ATG3: variants seen among roughly 807,000 people sequenced by gnomAD.
The protein encoded by ATG3 is ubiquitin-like-conjugating enzyme ATG3.
Under a neutral mutation model 50.7 loss-of-function variants are expected in ATG3, and 25 were observed. The observed-to-expected ratio is 0.49, with a 90% CI of 0.36 to 0.69. The LOEUF (loss-of-function observed/expected upper bound fraction) is 0.69, where lower values mean the gene tolerates loss of function less well. Ranked by LOEUF, ATG3 falls within the 30% of genes least tolerant of loss-of-function variation. The probability of loss-of-function intolerance (pLI) is 0.00; values close to 1 mark genes in which losing one functional copy is unlikely to be tolerated. For synonymous variants in ATG3, 119 were observed against 125.5 expected (o/e 0.95, Z 0.34); for missense variants, 281 against 376.0 (o/e 0.75, Z 2.09).
chr3:112,547,754 CAATG>C (rs1443895430), intron 5 of ATG3, among the ~76,000 whole-genome samples: 2 of 152,184 alleles, frequency 1.3e-5, no homozygotes, highest in Non-Finnish European at 2.9e-5. Context: ...GAGAATTCAA[CAATG>C]AATCTTTACC....
At chr3:112,553,083 C>T (rs1165645820) in intron 3 of ATG3, among the ~76,000 whole-genome samples, 197 bp downstream of exon 3, 1 of 152,170 alleles carries the variant, frequency 6.6e-6, no homozygotes, top group African/African-American at 2.4e-5. Context: ...ATTGTGCTAA[C>T]ATAGCCAAAT....
intron 3 of ATG3, among the ~76,000 whole-genome samples, chr3:112,552,644 C>CA (rs200092127): frequency 6.7e-6 from 1 of 149,238 alleles, no homozygotes; most frequent in East Asian, 2.0e-4. Flanking sequence ...AAAACCTGTT[C>CA]AAAAATTTTT....
At chr3:112,556,290 G>C (rs532008926) in intron 2 of ATG3, among the ~76,000 whole-genome samples, 12 of 150,262 alleles carry the variant, frequency 8.0e-5, no homozygotes, top group African/African-American at 2.7e-4. Context: ...GGTGAGGGGC[G>C]CCTCTGCCTG....
At chr3:112,535,308 T>C (rs905648853) in intron 10 of ATG3, 1 of 152,162 alleles carries the variant, frequency 6.6e-6, no homozygotes, top group African/African-American at 2.4e-5. Flanking sequence ...TGGTCTAAAA[T>C]GTCCTTGAAG....
chr3:112,542,041 C>T (rs931128743), intron 6 of ATG3, among the ~76,000 whole-genome samples, 157 bp from the exon 7 acceptor site: 7 of 152,112 alleles, frequency 4.6e-5, no homozygotes, highest in African/African-American at 1.7e-4. Flanking sequence ...ATAATGAATT[C>T]ATATATCAGT....
At chr3:112,536,966 A>G (rs1444555170) in intron 9 of ATG3, among the ~76,000 whole-genome samples, 2 of 141,072 alleles carry the variant, frequency 1.4e-5, no homozygotes, top group African/African-American at 5.2e-5. Flanking sequence ...AAAAAAAGAA[A>G]TTACTATTTA....
chr3:112,546,485 T>C (rs900615572), intron 5 of ATG3, among the ~76,000 whole-genome samples: 1 of 152,218 alleles, frequency 6.6e-6, no homozygotes, highest in Non-Finnish European at 1.5e-5. Context: ...TGATGAATTA[T>C]TTCTGGAATT....
At chr3:112,560,610 T>C (rs1027664409) in intron 1 of ATG3, among the ~76,000 whole-genome samples, 1 of 152,070 alleles carries the variant, frequency 6.6e-6, no homozygotes, top group Non-Finnish European at 1.5e-5. Flanking sequence ...AAGCAAGAAC[T>C]TCCCATTAAT....
intron 5 of ATG3, among the ~76,000 whole-genome samples, chr3:112,545,169 G>A (rs1933339808): frequency 1.3e-5 from 2 of 152,176 alleles, no homozygotes. Flanking sequence ...ACTTGCTTGA[G>A]TGTTATACCC....
intron 4 of ATG3, among the ~76,000 whole-genome samples, chr3:112,549,185 T>C (rs1933457903): frequency 6.6e-6 from 1 of 152,192 alleles, no homozygotes; most frequent in Admixed American, 6.5e-5. Context: ...ACCACACTAG[T>C]AAGTTGTTCA....
chr3:112,540,642 G>A (rs1349160884), intron 7 of ATG3, among the ~76,000 whole-genome samples: 2 of 148,968 alleles, frequency 1.3e-5, no homozygotes, highest in Non-Finnish European at 1.5e-5. Context: ...AAAAAAAAAA[G>A]AAACCCACGG....
In ATG3 at chr3:112,541,818, C is replaced by G. The variant is rs1933235872; in HGVS notation, c.460G>C (p.Ala154Pro). Residue 154 changes from alanine (A) to proline (P), a missense_variant, in exon 7 of 12, where the codon GCT (alanine) becomes CCT (proline). Transcript: ENST00000283290. The part of the protein sequence containing the change: ...EEEEDEDEGE[A>P]ADMEEYEESG... ...ACAGGAATACCTTCCATATCTGCAG[C>G]TTCTCCTTCATCTTCATCTTCTTCC... 1 of 1,611,732 alleles carries G rather than the reference C, an allele frequency of 6.2e-7. No individual in the cohort carries two copies.
At chr3:112,538,238 A>G (rs1322698606) in intron 7 of ATG3, 58 bp from the exon 8 acceptor site, 19 of 1,365,850 alleles carry the variant, frequency 1.4e-5, no homozygotes, top group Non-Finnish European at 1.9e-5. Context: ...AATTCCCTAA[A>G]CCAATTTAAG....
intron 11 of ATG3, chr3:112,533,585 C>T (rs970852524): frequency 1.0e-6 from 1 of 985,240 alleles, no homozygotes; most frequent in Non-Finnish European, 1.2e-6. Flanking sequence ...TAGCCGAAAC[C>T]ACCACCAAGT....
At chr3:112,560,691 A>G (rs1412140580) in intron 1 of ATG3, among the ~76,000 whole-genome samples, 1 of 152,250 alleles carries the variant, frequency 6.6e-6, no homozygotes, top group Admixed American at 6.5e-5. Flanking sequence ...GAGTTATAAA[A>G]GAAAAGCTTG....
intron 1 of ATG3, among the ~76,000 whole-genome samples, chr3:112,559,595 T>C (rs889718660): frequency 1.3e-5 from 2 of 152,328 alleles, no homozygotes; most frequent in Middle Eastern, 3.4e-3. Context: ...AACAAAGACT[T>C]CACTGAATAA....
In ATG3 at chr3:112,532,755, C is replaced by T. The variant is rs764322639; in HGVS notation, c.889G>A (p.Val297Ile). Reference protein sequence around the residue: ...HMYLLIFLKFVQAVIPTIEYD... With the variant: ...HMYLLIFLKFIQAVIPTIEYD... ...TCTATTGTTGGAATGACAGCTTGTA[C>T]AAATTTCAAGAAAATAAGAAGATAC... The change falls in exon 12 of 12, where the codon GTA becomes ATA. Residue 297 changes from valine to isoleucine, a missense_variant. Transcript: ENST00000283290. 1 of 1,598,258 alleles carries T rather than the reference C, an allele frequency of 6.3e-7. No individual in the cohort carries two copies. The highest frequency in any genetic ancestry group is 1.1e-5 in the South Asian group (1 of 88,876).
rs191021507 is a variant in ATG3 at position 112,556,228 on chromosome 3, G to A, written c.114+2148C>T. On this transcript the variant is annotated intron_variant, in intron 2 of 11. Coordinates refer to ENST00000283290, the MANE Select transcript of ATG3 (RefSeq NM_022488.5). ...GATGAGGAAACATGAAGCCTCGGCA[G>A]GGATAGTTTAACTGATTTCCTCATT... is the stretch of plus-strand genomic sequence containing the variant. Among the ~76,000 whole-genome samples the A allele has an allele frequency of 7.2e-5, 11 of 152,338 alleles. No homozygotes were observed. The East Asian group carries it at 2.1e-3, about 29-fold the overall frequency.
At chr3:112,533,307 T>A in intron 11 of ATG3, 1 of 984,970 alleles carries the variant, frequency 1.0e-6, no homozygotes, top group South Asian at 4.7e-5. Context: ...CTTAAAAACA[T>A]TAGGAGCTTA....
Sources: gnomAD v4.1 joint callset for allele counts (sites outside exome capture counted in the v4.1 genomes callset) on GRCh38, gnomAD v4.1.1 for gene constraint, MANE v1.5 for transcripts, NCBI Gene and HGNC (gene_info 2026-07-23, HGNC 2026-07-21) for gene names.